Variants in DOCK4 observed in about 807,000 individuals in gnomAD.
DOCK4 encodes the protein dedicator of cytokinesis protein 4.
Under a neutral mutation model 268.1 loss-of-function variants are expected in DOCK4, and 97 were observed. The ratio of observed to expected loss-of-function variants is 0.36; its 90% CI spans 0.31 to 0.43. The LOEUF (loss-of-function observed/expected upper bound fraction) is 0.43. Among genes scored for constraint, DOCK4 ranks in the 20% least tolerant of loss-of-function variants. The pLI, the probability that DOCK4 is intolerant of heterozygous loss-of-function variation, is 1.00. For missense variants in DOCK4, 2,145 were observed against 2,455.7 expected (o/e 0.87, Z 2.67); for synonymous variants, 954 against 887.2 (o/e 1.08, Z -1.34).
intron 1 of DOCK4, among the ~76,000 whole-genome samples, chr7:112,059,507 T>C (rs2135589078): frequency 6.6e-6 from 1 of 152,308 alleles, no homozygotes; most frequent in East Asian, 1.9e-4. Context: ...AACGTACTCT[T>C]TCACCTGTCA....
chr7:112,129,221 A>T (rs561900608), intron 1 of DOCK4, among the ~76,000 whole-genome samples: 13 of 152,362 alleles, frequency 8.5e-5, no homozygotes, highest in Non-Finnish European at 1.5e-5. Flanking sequence ...AGCAATAAAA[A>T]GGAGTGAACT....
intron 42 of DOCK4, among the ~76,000 whole-genome samples, chr7:111,747,824 T>C (rs1469874039): frequency 2.6e-5 from 4 of 152,180 alleles, no homozygotes; most frequent in Non-Finnish European, 4.4e-5. Flanking sequence ...CTCATGCTTA[T>C]TTGATACAAA....
rs569194030 is a variant in DOCK4 at position 112,042,292 on chromosome 7, A to C, written c.38-38161T>G. The stretch of plus-strand genomic sequence containing the variant: ...AACAGACATCATTGTAGTCCAGAGG[A>C]ATCAGTGACCAGGAGACGAAGACAT... On this transcript the variant is annotated intron_variant, in intron 1 of 52. Coordinates refer to ENST00000428084, the MANE Select transcript of DOCK4 (RefSeq NM_001363540.2). 2.0e-5 allele frequency among the ~76,000 whole-genome samples: 3 copies of C among 152,198 alleles called. No homozygotes were observed. The South Asian group carries it at 6.2e-4, about 31-fold the overall frequency.
chr7:112,202,401 T>C (rs565376289), intron 1 of DOCK4, among the ~76,000 whole-genome samples: 2 of 152,204 alleles, frequency 1.3e-5, no homozygotes, highest in African/African-American at 4.8e-5. Context: ...GGAGGTGATA[T>C]CCACAGAATG....
intron 1 of DOCK4, among the ~76,000 whole-genome samples, chr7:112,012,305 G>T (rs1801402074): frequency 6.7e-6 from 1 of 148,934 alleles, no homozygotes. Context: ...ACCTCAAGAG[G>T]AAAAAAAGCT....
At chr7:111,982,325 AT>A (rs1445559027) in intron 7 of DOCK4, among the ~76,000 whole-genome samples, 6 of 152,214 alleles carry the variant, frequency 3.9e-5, no homozygotes, top group Non-Finnish European at 8.8e-5. Flanking sequence ...TAAGAAATAA[AT>A]TTCTATCATG....
intron 1 of DOCK4, among the ~76,000 whole-genome samples, chr7:112,093,860 G>T (rs1809862051): frequency 1.4e-5 from 2 of 147,382 alleles, no homozygotes; most frequent in South Asian, 4.2e-4. Flanking sequence ...AAAAATTAAT[G>T]GCTCTCTGAC....
intron 1 of DOCK4, among the ~76,000 whole-genome samples, chr7:112,012,789 GT>G (rs997184000): frequency 9.3e-5 from 14 of 150,994 alleles, no homozygotes; most frequent in East Asian, 1.9e-4. Context: ...GTTACTTTTA[GT>G]TTTTTTTTAT....
chr7:111,804,444 G>A (rs936218184), intron 30 of DOCK4, among the ~76,000 whole-genome samples: 9 of 152,126 alleles, frequency 5.9e-5, no homozygotes, highest in Admixed American at 1.3e-4. Flanking sequence ...ACAGGGGAAT[G>A]AGAAGTTATT....
chr7:111,933,279 C>CGT lies in DOCK4; in HGVS notation c.1066+2260_1066+2261insAC, dbSNP rs1210971817. The stretch of plus-strand genomic sequence containing the variant: ...ATACTTATATATATATACATATATA[C>CGT]ATATATATATATATATATATTTTTT... On this transcript the variant is annotated intron_variant, in intron 12 of 52. Coordinates refer to ENST00000428084, the MANE Select transcript of DOCK4 (RefSeq NM_001363540.2). Among the ~76,000 whole-genome samples the CGT allele has an allele frequency of 7.2e-3, 661 of 91,206 alleles. 29 individuals are homozygous for CGT. Among genetic ancestry groups the CGT allele is most frequent in the African/African-American group, 0.028 (539 of 19,440 alleles). The allele number at this position is 91,206 out of a possible 152,430, so 59.8% of individuals were successfully genotyped here.
intron 1 of DOCK4, among the ~76,000 whole-genome samples, chr7:112,132,957 G>A (rs1213024280): frequency 6.6e-6 from 1 of 152,196 alleles, no homozygotes; most frequent in African/African-American, 2.4e-5. Flanking sequence ...ATGGACAGAA[G>A]TGAAATGGAT....
At chr7:112,074,846 A>T (rs1807918986) in intron 1 of DOCK4, among the ~76,000 whole-genome samples, 1 of 152,198 alleles carries the variant, frequency 6.6e-6, no homozygotes, top group South Asian at 2.1e-4. Flanking sequence ...CAGCTACAGC[A>T]GCACTAGTAG....
chr7:111,913,631 G>C (rs1051024970), intron 13 of DOCK4, among the ~76,000 whole-genome samples: 2 of 150,602 alleles, frequency 1.3e-5, no homozygotes, highest in Admixed American at 1.3e-4. Context: ...GGATGGTCTC[G>C]ATCTTCTGAC....
Position 112,144,479 on chromosome 7 carries a change from C to G in DOCK4, c.37+61623G>C, listed in dbSNP as rs142624053. ...GCTGAGTGAGGATCCAAAGGCCACA[C>G]AAAAAATTGCCAGCCCACTTGGCAT... On this transcript the variant is annotated intron_variant, in intron 1 of 52. Transcript: ENST00000428084. Among the ~76,000 whole-genome samples, 1,054 of 152,238 alleles carry G rather than the reference C, an allele frequency of 6.9e-3. 7 individuals are homozygous for G. The highest frequency in any genetic ancestry group is 0.012 in the Non-Finnish European group (785 of 68,008).
intron 1 of DOCK4, among the ~76,000 whole-genome samples, chr7:112,202,961 C>A (rs930311577): frequency 6.6e-6 from 1 of 152,102 alleles, no homozygotes. Flanking sequence ...TACCTCTGAT[C>A]TTACTTAAAA....
In DOCK4 at chr7:111,929,340, T is replaced by A. The variant is rs1794004702; in HGVS notation, c.1066+6200A>T. On this transcript the variant is annotated intron_variant, in intron 12 of 52. Transcript: ENST00000428084. ...TAGTATAATGTTAACCTTTGGGAAA[T>A]TACAAATTCTTTGTACTGTTTTCTA... Among the ~76,000 whole-genome samples the A allele has an allele frequency of 2.0e-5, 3 of 152,058 alleles. No homozygotes were observed. The South Asian group carries it at 6.2e-4, about 31-fold the overall frequency.
Position 112,031,669 on chromosome 7 carries a change from T to C in DOCK4, c.38-27538A>G, listed in dbSNP as rs1803286595. 2.0e-5 allele frequency among the ~76,000 whole-genome samples: 3 copies of C among 152,172 alleles called. No homozygotes were observed. In the South Asian group the frequency reaches 6.2e-4, roughly 31 times the overall value. On this transcript the variant is annotated intron_variant, in intron 1 of 52. Transcript: ENST00000428084. ...TCAACTGGCTTTTTTGAAAGAGAAT[T>C]TGCTATGTGTATTTCATCACTTCAA...
intron 1 of DOCK4, among the ~76,000 whole-genome samples, chr7:112,102,585 A>G (rs995577044): frequency 1.3e-5 from 2 of 152,202 alleles, no homozygotes; most frequent in African/African-American, 2.4e-5. Flanking sequence ...CAGACCCCAT[A>G]AAACTGACCC....
At chr7:112,161,869 C>T (rs1817160863) in intron 1 of DOCK4, among the ~76,000 whole-genome samples, 2 of 152,132 alleles carry the variant, frequency 1.3e-5, no homozygotes, top group Non-Finnish European at 1.5e-5. Flanking sequence ...GATAACAAAA[C>T]GCCTGCATCC....
Sources: gnomAD v4.1 joint callset for allele counts (sites outside exome capture counted in the v4.1 genomes callset) on GRCh38, gnomAD v4.1.1 for gene constraint, MANE v1.5 for transcripts, NCBI Gene and HGNC (gene_info 2026-07-23, HGNC 2026-07-21) for gene names.